Variants in ARMC3 observed in about 807,000 individuals in gnomAD.
The protein encoded by ARMC3 is armadillo repeat containing 3.
A neutral mutation model predicts 90.3 loss-of-function variants in ARMC3; 74 were observed. The observed-to-expected ratio is 0.82, with a 90% confidence interval of 0.68 to 0.99. ARMC3 has a LOEUF of 0.99. Among genes scored for constraint, ARMC3 ranks in the 50% least tolerant of loss-of-function variants. The probability of loss-of-function intolerance (pLI) is 0.00; values close to 1 mark genes in which losing one functional copy is unlikely to be tolerated. For synonymous variants in ARMC3, 334 were observed against 361.8 expected (o/e 0.92, Z 0.87); for missense variants, 958 against 1,042.8 (o/e 0.92, Z 1.12).
rs761246822 is a variant in ARMC3 at position 23,037,411 on chromosome 10, C to T, written c.2551C>T (p.Leu851Phe). Residue 851 changes from leucine to phenylalanine, a missense_variant, in exon 19 of 19, where the codon CTC (leucine) becomes TTC (phenylalanine). Leu to Phe is a conservative substitution (Grantham distance 22). Transcript: ENST00000298032. ...LPAPEMYVIDLMFHPGGLMKL... is the reference protein window; with the variant it reads ...LPAPEMYVIDFMFHPGGLMKL... The stretch of plus-strand genomic sequence containing the variant: ...CGCTCCTGAGATGTACGTGATTGAC[C>T]TCATGTTCCATCCAGGTGGACTGAT... 6.2e-7 allele frequency: 1 copy of T among 1,614,046 alleles called. No individual in the cohort carries two copies. Among genetic ancestry groups the T allele is most frequent in the South Asian group, 1.1e-5 (1 of 91,082 alleles).
At chr10:22,979,287 C>T (rs527696369) in intron 8 of ARMC3, among the ~76,000 whole-genome samples, 2 of 152,156 alleles carry the variant, frequency 1.3e-5, no homozygotes, top group Non-Finnish European at 2.9e-5. Context: ...AACACAAATA[C>T]TCCTTGGTGT....
intron 10 of ARMC3, among the ~76,000 whole-genome samples, chr10:22,990,019 A>C (rs548626023): frequency 6.6e-6 from 1 of 152,350 alleles, no homozygotes; most frequent in South Asian, 2.1e-4. Context: ...AAAATGTTCA[A>C]TTAGAAAATT....
chr10:22,939,214 A>G (rs888068068), intron 2 of ARMC3, among the ~76,000 whole-genome samples: 3 of 152,320 alleles, frequency 2.0e-5, no homozygotes, highest in African/African-American at 7.2e-5. Flanking sequence ...ATCAGAGTTC[A>G]AGGAGGATTA....
chr10:22,930,991 G>A (rs1833905698), intron 1 of ARMC3, among the ~76,000 whole-genome samples: 1 of 151,754 alleles, frequency 6.6e-6, no homozygotes, highest in African/African-American at 2.4e-5. Flanking sequence ...GCAGTGGTGC[G>A]ATCTCGGCTC....
chr10:22,970,891 G>A (rs1835654084), intron 8 of ARMC3, among the ~76,000 whole-genome samples: 1 of 152,066 alleles, frequency 6.6e-6, no homozygotes, highest in Admixed American at 6.5e-5. Flanking sequence ...TTTAAATTGT[G>A]GTGAAATACA....
chr10:23,007,134 G>A, intron 14 of ARMC3, 153 bp downstream of exon 14: 2 of 618,698 alleles, frequency 3.2e-6, no homozygotes, highest in Admixed American at 3.2e-5. Flanking sequence ...TAAACTCATA[G>A]CCCGACATGG....
chr10:22,933,002 G>C (rs905470418), intron 2 of ARMC3, among the ~76,000 whole-genome samples: 1 of 152,226 alleles, frequency 6.6e-6, no homozygotes, highest in Non-Finnish European at 1.5e-5. Flanking sequence ...CTTAGTGCTT[G>C]GCACGTAGCA....
intron 2 of ARMC3, among the ~76,000 whole-genome samples, chr10:22,939,166 C>G (rs552385499): frequency 6.6e-6 from 1 of 152,130 alleles, no homozygotes; most frequent in African/African-American, 2.4e-5. Flanking sequence ...TATCTAAGGA[C>G]AGTTGGTTTT....
In ARMC3 at chr10:22,959,145, T is replaced by A. The variant is rs751273662; in HGVS notation, c.361+7T>A. On this transcript the variant is annotated splice_region_variant and intron_variant, in intron 5 of 18. Coordinates refer to ENST00000298032, the MANE Select transcript of ARMC3 (RefSeq NM_173081.5). The stretch of plus-strand genomic sequence containing the variant: ...GCCCAGCTCGCTCCAGAAGGTAACT[T>A]TGCATTCTATATCTGTTTTAAAAAA... The A allele has an allele frequency of 1.2e-6, 2 of 1,607,976 alleles. No homozygotes were observed. The highest frequency in any genetic ancestry group is 1.7e-6 in the Non-Finnish European group (2 of 1,174,388).
At chr10:22,943,822 A>G (rs1834415344) in intron 2 of ARMC3, among the ~76,000 whole-genome samples, 1 of 151,848 alleles carries the variant, frequency 6.6e-6, no homozygotes, top group Admixed American at 6.6e-5. Flanking sequence ...AATCCCAGCT[A>G]CTCAGGAGGC....
At chr10:23,002,601 T>C (rs892471217) in intron 12 of ARMC3, among the ~76,000 whole-genome samples, 4 of 150,808 alleles carry the variant, frequency 2.7e-5, no homozygotes, top group African/African-American at 9.8e-5. Context: ...TCTTTTCTTT[T>C]TTTCTTTCTT....
intron 6 of ARMC3, chr10:22,961,259 A>G (rs534239149): frequency 2.6e-5 from 4 of 152,326 alleles, no homozygotes; most frequent in African/African-American, 9.6e-5. Flanking sequence ...GTCTTAAAAG[A>G]GTTTGGGAGC....
chr10:23,008,986 G>T (rs776555771), intron 16 of ARMC3, 55 bp downstream of exon 16: 260 of 1,459,734 alleles, frequency 1.8e-4, no homozygotes, highest in Middle Eastern at 1.7e-3. Context: ...GAAGGGAGGG[G>T]TGGCTCTTCA....
chr10:22,963,885 TCTCACA>T (rs1345856442), intron 7 of ARMC3, among the ~76,000 whole-genome samples: 47 of 75,716 alleles, frequency 6.2e-4, no homozygotes, highest in South Asian at 3.7e-3. Flanking sequence ...CGAGACTCTG[TCTCACA>T]CACACACACA....
At chr10:22,963,368 T>C (rs1039956694) in intron 7 of ARMC3, among the ~76,000 whole-genome samples, 1 of 152,138 alleles carries the variant, frequency 6.6e-6, no homozygotes, top group African/African-American at 2.4e-5. Flanking sequence ...CTAGGAAATA[T>C]GTGAGAAGGG....
chr10:22,986,559 A>AC (rs1341607143), intron 10 of ARMC3, among the ~76,000 whole-genome samples: 12 of 144,912 alleles, frequency 8.3e-5, no homozygotes, highest in African/African-American at 3.1e-4. Context: ...CTCAAAAAAA[A>AC]AAACAAAAAA....
chr10:22,981,810 G>A, intron 10 of ARMC3, 110 bp downstream of exon 10: 1 of 934,486 alleles, frequency 1.1e-6, no homozygotes, highest in Non-Finnish European at 1.6e-6. Context: ...TTCTTCAGAT[G>A]GTCTATCTTG....
chr10:22,970,513 G>A (rs746100949), intron 8 of ARMC3, among the ~76,000 whole-genome samples: 4 of 152,186 alleles, frequency 2.6e-5, no homozygotes, highest in Non-Finnish European at 5.9e-5. Context: ...GAACATCATG[G>A]ATTTTCACTT....
intron 3 of ARMC3, among the ~76,000 whole-genome samples, chr10:22,954,790 A>G (rs1185070192): frequency 6.6e-6 from 1 of 152,092 alleles, no homozygotes; most frequent in Non-Finnish European, 1.5e-5. Context: ...ATTAGTCAGG[A>G]TTCTCTAGAG....
Sources: gnomAD v4.1 joint callset for allele counts (sites outside exome capture counted in the v4.1 genomes callset) on GRCh38, gnomAD v4.1.1 for gene constraint, MANE v1.5 for transcripts, NCBI Gene and HGNC (gene_info 2026-07-23, HGNC 2026-07-21) for gene names.